Variants in COL5A1 observed in about 807,000 individuals in gnomAD.
The protein encoded by COL5A1 is collagen type V alpha 1 chain, also known as collagen alpha-1(V) chain.
Under a neutral mutation model 263.7 loss-of-function variants are expected in COL5A1, and 16 were observed. That is an observed-to-expected ratio of 0.06 (90% CI 0.04 to 0.09). The LOEUF (loss-of-function observed/expected upper bound fraction) is 0.09, where lower values mean the gene tolerates loss of function less well. Ranked by LOEUF, COL5A1 falls within the 10% of genes least tolerant of loss-of-function variation. The pLI is 1.00. For synonymous variants in COL5A1, 1,012 were observed against 1,004.5 expected, an observed-to-expected ratio of 1.01 and a Z score of -0.14; for missense variants, 2,036 against 2,540.5, an observed-to-expected ratio of 0.80 and a Z score of 4.27.
At chr9:134,683,628 A>G (rs1163398860) in intron 1 of COL5A1, among the ~76,000 whole-genome samples, 1 of 152,192 alleles carries the variant, frequency 6.6e-6, no homozygotes, top group Admixed American at 6.5e-5. Context: ...TCAGTCGTTC[A>G]GCAAACACGG....
chr9:134,716,159 T>A lies in COL5A1; in HGVS notation c.655-11107T>A, dbSNP rs1834254450. 6.6e-6 allele frequency among the ~76,000 whole-genome samples: 1 copy of A among 152,128 alleles called. No individual in the cohort carries two copies. The highest frequency in any genetic ancestry group is 6.5e-5 in the Admixed American group (1 of 15,268). ...GGATGCTGATTGCTCTGGGGAGTGT[T>A]CTGGTGCAATCCCATTTAGTCCTCT... On this transcript the variant is annotated intron_variant, in intron 4 of 65. Coordinates refer to ENST00000371817, the MANE Select transcript of COL5A1 (RefSeq NM_000093.5). This position sits in a 1 kb window ranked among gnomAD's most constrained non-coding sequence, Gnocchi z 4.5.
chr9:134,781,484 C>T (rs1408771455), intron 28 of COL5A1, among the ~76,000 whole-genome samples: 1 of 152,240 alleles, frequency 6.6e-6, no homozygotes, highest in Non-Finnish European at 1.5e-5. Context: ...GAGGCTCCCT[C>T]ACCTGAGGAC....
At position 134,823,463 on chromosome 9, in the gene COL5A1, C is replaced by T. The variant is rs61735501; in HGVS notation, c.4692C>T (p.Gly1564=). ...KGEAGHPGPP[G]PPGPPGEVIQ... ...AGGCAGGCCACCCAGGACCCCCAGG[C>T]CCCCCGGTAAGTAGCCCTTGAAGCC... Residue 1564 remains glycine (G), a synonymous_variant, in exon 61 of 66, where the codon GGC becomes GGT. Coordinates refer to ENST00000371817, the MANE Select transcript of COL5A1 (RefSeq NM_000093.5). 5.1e-5 allele frequency: 82 copies of T among 1,613,854 alleles called. No individual in the cohort carries two copies. The African/African-American group carries it at 9.2e-4, about 18-fold the overall frequency.
intron 11 of COL5A1, among the ~76,000 whole-genome samples, chr9:134,745,280 G>T (rs779707637): frequency 6.6e-6 from 1 of 152,228 alleles, no homozygotes; most frequent in African/African-American, 2.4e-5. Flanking sequence ...GGAGAGAGAG[G>T]TGAAGGGAGC....
chr9:134,822,041 C>T, intron 58 of COL5A1, 56 bp from the exon 59 acceptor site: 1 of 1,500,682 alleles, frequency 6.7e-7, no homozygotes. Context: ...AGGGTTGCAG[C>T]CCCGCAGCTC....
chr9:134,760,073 TGCACACAC>T (rs1836264689), intron 18 of COL5A1, among the ~76,000 whole-genome samples: 1 of 50,140 alleles, frequency 2.0e-5, no homozygotes, highest in Non-Finnish European at 3.4e-5. Context: ...CACTCATACA[TGCACACAC>T]GCATACACGC....
At position 134,754,285 on chromosome 9, in the gene COL5A1, G is replaced by A. The variant is rs1835895877; in HGVS notation, c.1786G>A (p.Val596Met). 1.2e-6 allele frequency: 2 copies of A among 1,613,892 alleles called. No homozygotes were observed. The highest frequency in any genetic ancestry group is 1.7e-5 in the Admixed American group (1 of 60,012). ...GDVGPQGPRGVQGPPGPAGKP... is the reference protein window; with the variant it reads ...GDVGPQGPRGMQGPPGPAGKP... ...TTACCCCTGGCAGGGTCCTCGAGGT[G>A]TGCAAGGCCCGCCTGGTCCGGCCGG... Residue 596 changes from valine (V) to methionine (M), a missense_variant, in exon 16 of 66, where the codon GTG (valine) becomes ATG (methionine). Coordinates refer to ENST00000371817, the MANE Select transcript of COL5A1 (RefSeq NM_000093.5). This position sits in a 1 kb window ranked among gnomAD's most constrained non-coding sequence, Gnocchi z 4.3.
Position 134,703,830 on chromosome 9 carries a change from G to A in COL5A1, c.654+2497G>A, listed in dbSNP as rs1382132492. Among the ~76,000 whole-genome samples, 2 of 151,814 alleles carry A rather than the reference G, an allele frequency of 1.3e-5. 1 individual carries two copies. Among genetic ancestry groups the A allele is most frequent in the South Asian group, 4.2e-4 (2 of 4,798 alleles). ...TTTTTTTTGTATTTTTAGTAGAGAT[G>A]GGGTTTCACTGTGTTAGCCAGGATG... On this transcript the variant is annotated intron_variant, in intron 4 of 65. Coordinates refer to ENST00000371817, the MANE Select transcript of COL5A1 (RefSeq NM_000093.5).
At chr9:134,782,535 C>T (rs377708722) in intron 28 of COL5A1, 132 bp from the exon 29 acceptor site, 76 of 856,376 alleles carry the variant, frequency 8.9e-5, no homozygotes, top group Admixed American at 1.2e-4. Flanking sequence ...AAGCCCACCC[C>T]GTCCGGGCCA....
chr9:134,744,280 C>T (rs1387491371), intron 11 of COL5A1, among the ~76,000 whole-genome samples: 3 of 152,144 alleles, frequency 2.0e-5, no homozygotes, highest in African/African-American at 4.8e-5. Flanking sequence ...CAAGCACACA[C>T]GCTTGCACAC....
chr9:134,811,028 A>C (rs1361831178), intron 44 of COL5A1, among the ~76,000 whole-genome samples: 1 of 152,118 alleles, frequency 6.6e-6, no homozygotes, highest in Non-Finnish European at 1.5e-5. Context: ...CTGGACCCTC[A>C]CTGTTGAAGG....
intron 1 of COL5A1, chr9:134,649,505 T>C (rs1340907927): frequency 2.1e-6 from 1 of 471,322 alleles, no homozygotes. Context: ...ACCCGTGTTC[T>C]TGTAGGGAAA....
chr9:134,768,301 A>G, intron 24 of COL5A1, 109 bp from the exon 25 acceptor site: 1 of 1,030,292 alleles, frequency 9.7e-7, no homozygotes, highest in South Asian at 1.3e-5. Context: ...CACACTTCTC[A>G]GCAAATGCTG....
intron 9 of COL5A1, among the ~76,000 whole-genome samples, chr9:134,737,443 T>C (rs1440284724): frequency 6.6e-6 from 1 of 152,172 alleles, no homozygotes; most frequent in African/African-American, 2.4e-5. Flanking sequence ...TTTGAAAATG[T>C]GGTCCCCCAG....
At chr9:134,668,080 A>T (rs1372182259) in intron 1 of COL5A1, among the ~76,000 whole-genome samples, 1 of 152,184 alleles carries the variant, frequency 6.6e-6, no homozygotes, top group Non-Finnish European at 1.5e-5. Context: ...CAAATGTCAG[A>T]AGCAAAAAGG....
Position 134,820,089 on chromosome 9 carries a change from C to T in COL5A1, c.4447-27C>T, listed in dbSNP as rs1474717246. The T allele has an allele frequency of 1.9e-6, 3 of 1,577,898 alleles. No individual in the cohort carries two copies. In the South Asian group the frequency reaches 3.3e-5, roughly 17 times the overall value. On this transcript the variant is annotated intron_variant, in intron 57 of 65. Coordinates refer to ENST00000371817, the MANE Select transcript of COL5A1 (RefSeq NM_000093.5). Reference sequence around the variant, plus strand: ...GCATGAGGCGTGGCTCCCTCAAATGCCCCTTCCTGTCTTCATTTTCCCACA... The same window carrying T: ...GCATGAGGCGTGGCTCCCTCAAATGTCCCTTCCTGTCTTCATTTTCCCACA...
In COL5A1 at chr9:134,672,259, T is replaced by G. The variant is rs908703941; in HGVS notation, c.110-18653T>G. ...CAATATGTGTCCATGATAGAAGTGT[T>G]AAAAGCTACCAAAAAGTATAAAAAA... On this transcript the variant is annotated intron_variant, in intron 1 of 65. Coordinates refer to ENST00000371817, the MANE Select transcript of COL5A1 (RefSeq NM_000093.5). 5.9e-5 allele frequency among the ~76,000 whole-genome samples: 9 copies of G among 152,340 alleles called. No homozygotes were observed. In the East Asian group the frequency reaches 1.7e-3, roughly 29 times the overall value.
chr9:134,818,652 G>A lies in COL5A1; in HGVS notation c.4231-4G>A. 2 of 1,606,972 alleles carry A rather than the reference G, an allele frequency of 1.2e-6. No individual in the cohort carries two copies. The highest frequency in any genetic ancestry group is 1.9e-4 in the Middle Eastern group (1 of 5,404). ...ACCTCATTCTGCCCTCCGCCGTCCTGCAGGGAGAAGCCGGCTTGGAAGGCC... is the reference window on the plus strand; with the variant it reads ...ACCTCATTCTGCCCTCCGCCGTCCTACAGGGAGAAGCCGGCTTGGAAGGCC... On this transcript the variant is annotated splice_region_variant and splice_polypyrimidine_tract_variant and intron_variant, in intron 54 of 65. Coordinates refer to ENST00000371817, the MANE Select transcript of COL5A1 (RefSeq NM_000093.5). The surrounding 1 kb of genome is among the most constrained non-coding windows in gnomAD (Gnocchi z 6.0).
At chr9:134,810,376 C>T (rs1838474716) in intron 44 of COL5A1, 68 bp downstream of exon 44, 6 of 1,467,412 alleles carry the variant, frequency 4.1e-6, no homozygotes, top group South Asian at 2.3e-5. Context: ...GGCTGTAGGC[C>T]GTGTGCCATG....
Sources: allele counts gnomAD v4.1 joint callset (sites outside exome capture counted in the v4.1 genomes callset), GRCh38; gene constraint gnomAD v4.1.1; non-coding constraint Gnocchi (gnomAD v3.1); transcripts MANE v1.5; gene names NCBI Gene and HGNC (gene_info 2026-07-23, HGNC 2026-07-21).